The following DENND5B variants were observed in gnomAD, a reference collection of about 807,000 sequenced individuals.
The protein encoded by DENND5B is DENN domain-containing protein 5B.
DENND5B carries 34 observed loss-of-function variants against 140.6 expected under a neutral mutation model. The observed-to-expected ratio is 0.24, with a 90% CI of 0.18 to 0.32. The LOEUF (loss-of-function observed/expected upper bound fraction) is 0.32, where lower values mean the gene tolerates loss of function less well. Ranked by LOEUF, DENND5B falls within the 10% of genes least tolerant of loss-of-function variation. The probability of loss-of-function intolerance (pLI) is 1.00; values close to 1 mark genes in which losing one functional copy is unlikely to be tolerated. For synonymous variants in DENND5B, 551 were observed against 562.1 expected, an observed-to-expected ratio of 0.98 and a Z score of 0.28; for missense variants, 1,142 against 1,560.2, an observed-to-expected ratio of 0.73 and a Z score of 4.52.
chr12:31,449,945 A>G (rs1341900589), intron 5 of DENND5B, among the ~76,000 whole-genome samples: 1 of 151,918 alleles, frequency 6.6e-6, no homozygotes, highest in Non-Finnish European at 1.5e-5. Flanking sequence ...GTTAGCCAGG[A>G]TGGTCTCGAT....
chr12:31,542,144 T>G (rs1044222722), intron 1 of DENND5B, among the ~76,000 whole-genome samples: 2 of 151,804 alleles, frequency 1.3e-5, no homozygotes, highest in African/African-American at 4.8e-5. Context: ...AAAAATTAGC[T>G]GGGCGTGGTG....
At chr12:31,512,943 A>G (rs182232320) in intron 1 of DENND5B, among the ~76,000 whole-genome samples, 11 of 152,262 alleles carry the variant, frequency 7.2e-5, no homozygotes, top group African/African-American at 2.6e-4. Flanking sequence ...CTTTATCTAG[A>G]TTTTCTGAGT....
At chr12:31,501,727 C>T (rs572009462) in intron 1 of DENND5B, among the ~76,000 whole-genome samples, 15 of 148,458 alleles carry the variant, frequency 1.0e-4, no homozygotes, top group East Asian at 6.0e-4. Flanking sequence ...GAGCTGAGAA[C>T]GCGCCACTGC....
intron 7 of DENND5B, among the ~76,000 whole-genome samples, chr12:31,434,735 A>G (rs1245496892): frequency 1.3e-5 from 2 of 152,182 alleles, no homozygotes; most frequent in Non-Finnish European, 2.9e-5. Context: ...AAGTACAAAG[A>G]CTATATAGAT....
chr12:31,511,293 C>T (rs1222097203), intron 1 of DENND5B, among the ~76,000 whole-genome samples: 3 of 152,098 alleles, frequency 2.0e-5, no homozygotes, highest in Admixed American at 1.3e-4. Context: ...CCTTTCTTGA[C>T]CTGTCCAGAA....
In DENND5B at chr12:31,425,893, G is replaced by T. The variant is rs554489205; in HGVS notation, c.2238+400C>A. Among the ~76,000 whole-genome samples, 9 of 152,286 alleles carry T rather than the reference G, an allele frequency of 5.9e-5. No individual in the cohort carries two copies. In the South Asian group the frequency reaches 1.9e-3, roughly 32 times the overall value. ...TACACAAACCTACAACACAGCTAAG[G>T]TATTTTTCCTTATGGGGACAAAAAC... On this transcript the variant is annotated intron_variant, in intron 9 of 20. Coordinates refer to ENST00000389082, the MANE Select transcript of DENND5B (RefSeq NM_144973.4).
intron 3 of DENND5B, among the ~76,000 whole-genome samples, chr12:31,473,584 C>T (rs1254319536): frequency 2.6e-5 from 4 of 152,242 alleles, no homozygotes; most frequent in South Asian, 4.2e-4. Context: ...GGGCTTATGT[C>T]GAAAGCCTGC....
chr12:31,407,905 C>A (rs117035339), intron 14 of DENND5B, among the ~76,000 whole-genome samples: 1 of 152,218 alleles, frequency 6.6e-6, no homozygotes, highest in East Asian at 1.9e-4. Flanking sequence ...CTAATTGATA[C>A]AAGTAAAAAT....
At chr12:31,511,388 A>G (rs999295872) in intron 1 of DENND5B, among the ~76,000 whole-genome samples, 1 of 152,192 alleles carries the variant, frequency 6.6e-6, no homozygotes, top group Non-Finnish European at 1.5e-5. Context: ...TCCATAGCTT[A>G]ATTTTTAAAT....
At chr12:31,513,837 C>CT (rs1947516631) in intron 1 of DENND5B, among the ~76,000 whole-genome samples, 2 of 105,596 alleles carry the variant, frequency 1.9e-5, no homozygotes, top group South Asian at 3.6e-4. Flanking sequence ...CCTCAGATAA[C>CT]ATTTTTTTTT....
At position 31,403,600 on chromosome 12, in the gene DENND5B, A is replaced by G. The variant is rs1022841587; in HGVS notation, c.2804-957T>C. Among the ~76,000 whole-genome samples the G allele has an allele frequency of 1.2e-4, 17 of 143,496 alleles. No individual in the cohort carries two copies. The South Asian group carries it at 3.8e-3, about 32-fold the overall frequency. 94.1% of individuals were successfully genotyped at this position (143,496 alleles called of 152,430 possible). On this transcript the variant is annotated intron_variant, in intron 14 of 20. Coordinates refer to ENST00000389082, the MANE Select transcript of DENND5B (RefSeq NM_144973.4). The stretch of plus-strand genomic sequence containing the variant: ...AGAGTGAGACTCTGCCTCAGAAAAA[A>G]AAAAGAAAGAAAAAAGAAAACGGCT...
rs189683213 is a variant in DENND5B, at chr12:31,417,742, A to G, written c.2471-2294T>C. 2.1e-3 allele frequency among the ~76,000 whole-genome samples: 319 copies of G among 152,294 alleles called. 2 individuals are homozygous for G. The highest frequency in any genetic ancestry group is 3.4e-3 in the Non-Finnish European group (228 of 68,034). The stretch of plus-strand genomic sequence containing the variant: ...GTTGCAGTGTTTGGTCTCGTGCTCA[A>G]TGAGATGCCATGGAGTTTAGGCCTT... On this transcript the variant is annotated intron_variant, in intron 11 of 20. Transcript: ENST00000389082.
intron 7 of DENND5B, among the ~76,000 whole-genome samples, chr12:31,441,125 T>C (rs1246972558): frequency 6.6e-6 from 1 of 152,150 alleles, no homozygotes; most frequent in East Asian, 2.0e-4. Context: ...TTCAGGTTGC[T>C]TGAGCCCAGA....
chr12:31,540,340 T>C (rs1237546321), intron 1 of DENND5B, among the ~76,000 whole-genome samples: 1 of 152,132 alleles, frequency 6.6e-6, no homozygotes, highest in Non-Finnish European at 1.5e-5. Flanking sequence ...ATACCAATAA[T>C]GTTCTTCACA....
At chr12:31,503,268 T>C (rs1947078766) in intron 1 of DENND5B, among the ~76,000 whole-genome samples, 1 of 152,118 alleles carries the variant, frequency 6.6e-6, no homozygotes, top group Admixed American at 6.6e-5. Flanking sequence ...GCTTTACAAT[T>C]GACAATGAAG....
At chr12:31,485,185 T>C (rs1946252323) in intron 2 of DENND5B, among the ~76,000 whole-genome samples, 1 of 152,188 alleles carries the variant, frequency 6.6e-6, no homozygotes, top group Admixed American at 6.5e-5. Context: ...CCCAATTCTT[T>C]TCCACAACAA....
At chr12:31,524,165 C>T (rs1209834700) in intron 1 of DENND5B, among the ~76,000 whole-genome samples, 1 of 151,082 alleles carries the variant, frequency 6.6e-6, no homozygotes, top group Admixed American at 6.6e-5. Context: ...AAACATAGGG[C>T]TAATTTATGA....
Position 31,442,870 on chromosome 12 carries a change from A to T in DENND5B, c.1917T>A (p.His639Gln). The change falls in exon 7 of 21, where the codon CAT (histidine) becomes CAA (glutamine). Residue 639 changes from histidine (H) to glutamine (Q), a missense_variant. Physicochemically the swap from His to Gln is conservative, Grantham distance 24. Coordinates refer to ENST00000389082, the MANE Select transcript of DENND5B (RefSeq NM_144973.4). ...MKMDHTAIHP[H>Q]LLDMKIGQGK... ...CTTGACCAATTTTCATATCAAGTAG[A>T]TGTGGGTGGATTGCAGTGTGATCCA... is the stretch of plus-strand genomic sequence containing the variant. 1 of 1,609,720 alleles carries T rather than the reference A, an allele frequency of 6.2e-7. No homozygotes were observed. Among genetic ancestry groups the T allele is most frequent in the Non-Finnish European group, 8.5e-7 (1 of 1,177,882 alleles).
chr12:31,446,924 A>AT (rs897088535), intron 6 of DENND5B, among the ~76,000 whole-genome samples: 1 of 151,660 alleles, frequency 6.6e-6, no homozygotes, highest in Admixed American at 6.6e-5. Flanking sequence ...AAAAAGAAAC[A>AT]TAAGTAGCAA....
Sources: gnomAD v4.1 joint callset for allele counts (sites outside exome capture counted in the v4.1 genomes callset) on GRCh38, gnomAD v4.1.1 for gene constraint, MANE v1.5 for transcripts, NCBI Gene and HGNC (gene_info 2026-07-23, HGNC 2026-07-21) for gene names.